DRC3: variants seen among roughly 807,000 people sequenced by gnomAD.
The protein encoded by DRC3 is leucine rich repeat containing 48.
In DRC3, 45 loss-of-function variants were observed where a neutral mutation model predicts 57.6. The observed-to-expected ratio is 0.78, with a 90% CI of 0.62 to 1.00. The LOEUF is 1.00. DRC3 is among the 50% of genes least tolerant of loss of function. The probability of loss-of-function intolerance (pLI) is 0.00; values close to 1 mark genes in which losing one functional copy is unlikely to be tolerated. For missense variants in DRC3, 655 were observed against 675.2 expected, an observed-to-expected ratio of 0.97 and a Z score of 0.33; for synonymous variants, 257 against 272.3, an observed-to-expected ratio of 0.94 and a Z score of 0.55.
At chr17:17,993,189 G>A (rs1312008221) in intron 6 of DRC3, 4 of 302,128 alleles carry the variant, frequency 1.3e-5, no homozygotes, top group Non-Finnish European at 1.2e-5. Flanking sequence ...TTTTCCAGAT[G>A]AAGAAGCTGA....
At chr17:17,979,977 A>AGAGGCAC (rs2042580442) in intron 3 of DRC3, among the ~76,000 whole-genome samples, 1 of 152,028 alleles carries the variant, frequency 6.6e-6, no homozygotes, top group Non-Finnish European at 1.5e-5. Context: ...GGAACCCAGG[A>AGAGGCAC]TAGGTGCAAG....
At chr17:17,976,610 G>T (rs570915823) in intron 2 of DRC3, among the ~76,000 whole-genome samples, 5 of 152,166 alleles carry the variant, frequency 3.3e-5, no homozygotes, top group Admixed American at 3.3e-4. Flanking sequence ...GAATCCGGGC[G>T]TTGCAGTGAG....
rs1436553080 is a variant in DRC3 at position 17,988,074 on chromosome 17, C to T, written c.420C>T (p.Asn140=). Residue 140 remains asparagine (N), a synonymous_variant, in exon 5 of 14, where the codon AAC becomes AAT. Coordinates refer to ENST00000399187, the MANE Select transcript of DRC3 (RefSeq NM_031294.4). ...LVKLQVLSLG[N]NRIDNMMNII... is the part of the protein sequence containing the mutation. ...AGCTGCAGGTGTTGTCGCTGGGCAA[C>T]AACCGGATTGACAACATGATGAACG... 2.5e-6 allele frequency: 4 copies of T among 1,613,784 alleles called. No homozygotes were observed. The African/African-American group carries it at 4.0e-5, about 16-fold the overall frequency.
intron 9 of DRC3, among the ~76,000 whole-genome samples, chr17:18,000,192 CTCTGTGTG>C (rs1413127978): frequency 3.9e-5 from 2 of 50,966 alleles, no homozygotes; most frequent in Non-Finnish European, 6.8e-5. Flanking sequence ...CTTTGCTTTC[CTCTGTGTG>C]TGTGTGTGTG....
intron 5 of DRC3, 77 bp downstream of exon 5, chr17:17,988,175 C>T (rs1427760235): frequency 6.9e-7 from 1 of 1,439,216 alleles, no homozygotes; most frequent in Admixed American, 2.0e-5. Context: ...GGGTCTGTGG[C>T]TAGGGGAAGT....
chr17:18,006,275 T>TC (rs1321502141), intron 11 of DRC3, 22 bp downstream of exon 11: 3 of 1,571,744 alleles, frequency 1.9e-6, no homozygotes, highest in Non-Finnish European at 2.6e-6. Flanking sequence ...GTGATGACCT[T>TC]CCCCATGGGG....
intron 10 of DRC3, chr17:18,005,916 T>G (rs906148045): frequency 1.8e-5 from 8 of 445,366 alleles, no homozygotes; most frequent in Admixed American, 7.0e-5. Context: ...GTAAGGGGAG[T>G]AAGACCAGGA....
intron 5 of DRC3, among the ~76,000 whole-genome samples, chr17:17,988,930 T>G (rs1412198139): frequency 6.6e-6 from 1 of 152,144 alleles, no homozygotes; most frequent in East Asian, 1.9e-4. Flanking sequence ...GGGTCAAGCC[T>G]TCTATGCCTC....
At position 17,995,111 on chromosome 17, in the gene DRC3, C is replaced by G; in HGVS notation, c.824C>G (p.Thr275Ser). ...CCTGGTGTCGGTGAGCTCCTTGAGA[C>G]ATATCCTTCTGAGTTCATGGCTGTC... ...YLPGVGELLE[T>S]YKDKFVIICV... Residue 275 changes from threonine to serine, a missense_variant and splice_region_variant, in exon 8 of 14, where the codon ACC becomes AGC. Coordinates refer to ENST00000399187, the MANE Select transcript of DRC3 (RefSeq NM_031294.4). The G allele has an allele frequency of 6.2e-7, 1 of 1,609,584 alleles. No homozygotes were observed. The highest frequency in any genetic ancestry group is 2.2e-5 in the East Asian group (1 of 44,840).
intron 12 of DRC3, among the ~76,000 whole-genome samples, chr17:18,009,122 C>G (rs1340521083): frequency 6.6e-6 from 1 of 152,204 alleles, no homozygotes; most frequent in African/African-American, 2.4e-5. Flanking sequence ...CTACCCTTCT[C>G]AGGAGGAAAA....
At chr17:17,993,126 C>A (rs1407353483) in intron 6 of DRC3, 2 of 540,934 alleles carry the variant, frequency 3.7e-6, no homozygotes, top group African/African-American at 3.8e-5. Context: ...AGGGGCCAGG[C>A]CTCTTCCACA....
In DRC3 at chr17:18,008,380, G is replaced by A. The variant is rs1313984052; in HGVS notation, c.1326+1233G>A. 6.6e-6 allele frequency among the ~76,000 whole-genome samples: 1 copy of A among 152,188 alleles called. No homozygotes were observed. The highest frequency in any genetic ancestry group is 1.5e-5 in the Non-Finnish European group (1 of 68,036). On this transcript the variant is annotated intron_variant, in intron 12 of 13. Transcript: ENST00000399187. The surrounding 1 kb of genome is among the most constrained non-coding windows in gnomAD (Gnocchi z 4.3). ...CAAACTACCTGGCTGATGTGTATTTGCTGCTGATGTGACTATTCACACTAC... is the reference window on the plus strand; with the variant it reads ...CAAACTACCTGGCTGATGTGTATTTACTGCTGATGTGACTATTCACACTAC...
At chr17:17,992,257 A>G (rs2043266820) in intron 5 of DRC3, among the ~76,000 whole-genome samples, 1 of 152,262 alleles carries the variant, frequency 6.6e-6, no homozygotes, top group East Asian at 1.9e-4. Context: ...CCTGGGCAAC[A>G]GAGCAAGACT....
intron 9 of DRC3, among the ~76,000 whole-genome samples, chr17:18,001,750 G>GT (rs1414900063): frequency 9.2e-5 from 14 of 152,082 alleles, no homozygotes; most frequent in African/African-American, 3.4e-4. Context: ...GGGCAACATA[G>GT]TAAGACCCCA....
intron 2 of DRC3, among the ~76,000 whole-genome samples, chr17:17,974,521 A>G (rs977786901): frequency 1.3e-5 from 2 of 152,102 alleles, no homozygotes; most frequent in Non-Finnish European, 2.9e-5. Context: ...ACAGGCATGC[A>G]CCACCATGCC....
chr17:17,985,810 C>T (rs924551705), intron 4 of DRC3, among the ~76,000 whole-genome samples: 7 of 152,136 alleles, frequency 4.6e-5, no homozygotes, highest in Non-Finnish European at 7.4e-5. Flanking sequence ...CCCAGTGGCA[C>T]GGTGGGAAAG....
chr17:17,973,267 C>T (rs1034754577), intron 1 of DRC3, among the ~76,000 whole-genome samples: 1 of 152,130 alleles, frequency 6.6e-6, no homozygotes, highest in Non-Finnish European at 1.5e-5. Context: ...AGCCTCCTTT[C>T]ATAGAAAGAG....
intron 6 of DRC3, chr17:17,993,960 AGT>A: frequency 7.0e-6 from 2 of 284,158 alleles, no homozygotes; most frequent in Non-Finnish European, 1.4e-5. Flanking sequence ...TGAGAGAGCA[AGT>A]CCTCTGTGGA....
chr17:17,975,353 A>G (rs2042332351), intron 2 of DRC3, among the ~76,000 whole-genome samples: 2 of 151,922 alleles, frequency 1.3e-5, no homozygotes, highest in African/African-American at 4.8e-5. Context: ...CTGGGATTAC[A>G]GACATGCGCC....
Sources: gnomAD v4.1 joint callset for allele counts (sites outside exome capture counted in the v4.1 genomes callset) on GRCh38, gnomAD v4.1.1 for gene constraint, Gnocchi (gnomAD v3.1) non-coding constraint, MANE v1.5 for transcripts, NCBI Gene and HGNC (gene_info 2026-07-23, HGNC 2026-07-21) for gene names.